COL4A3: variants seen among roughly 807,000 people sequenced by gnomAD.
COL4A3 encodes the protein collagen alpha-3(IV) chain.
Under a neutral mutation model 217.4 loss-of-function variants are expected in COL4A3, and 135 were observed. The ratio of observed to expected loss-of-function variants is 0.62; its 90% CI spans 0.54 to 0.72. The LOEUF (loss-of-function observed/expected upper bound fraction) is 0.72. Among genes scored for constraint, COL4A3 ranks in the 30% least tolerant of loss-of-function variants. The pLI, the probability that COL4A3 is intolerant of heterozygous loss-of-function variation, is 0.00. For synonymous variants in COL4A3, 690 were observed against 736.3 expected, an observed-to-expected ratio of 0.94 and a Z score of 1.02; for missense variants, 1,868 against 2,119.9, an observed-to-expected ratio of 0.88 and a Z score of 2.33.
intron 1 of COL4A3, among the ~76,000 whole-genome samples, chr2:227,208,221 C>CA (rs1207823974): frequency 1.3e-5 from 2 of 152,142 alleles, no homozygotes; most frequent in African/African-American, 4.8e-5. Flanking sequence ...AGCCCTTTCC[C>CA]AAAAAGACCC....
At chr2:227,285,769 A>G (rs1394365927) in intron 34 of COL4A3, among the ~76,000 whole-genome samples, 4 of 152,196 alleles carry the variant, frequency 2.6e-5, no homozygotes, top group African/African-American at 9.7e-5. Flanking sequence ...CTATTTCTAT[A>G]CTTCCAACAA....
intron 1 of COL4A3, among the ~76,000 whole-genome samples, chr2:227,212,246 G>T (rs12694721): frequency 0.076 from 11,572 of 151,520 alleles, 667 homozygotes; most frequent in Admixed American, 0.13. Context: ...TGTGACCTAT[G>T]ACATCTTCTG....
chr2:227,281,564 T>A (rs12053122), intron 31 of COL4A3: 2 of 155,098 alleles, frequency 1.3e-5, no homozygotes, highest in East Asian at 3.8e-4. Flanking sequence ...TGATGAACTG[T>A]TCCTGGAAAA....
At chr2:227,222,174 T>A (rs199794050) in intron 1 of COL4A3, among the ~76,000 whole-genome samples, 4,565 of 112,968 alleles carry the variant, frequency 0.04, 166 homozygotes, top group East Asian at 0.16. Context: ...ATGATAATGA[T>A]AATAAAAAGC....
intron 34 of COL4A3, among the ~76,000 whole-genome samples, chr2:227,286,718 T>C (rs144849358): frequency 2.5e-4 from 38 of 152,312 alleles, no homozygotes; most frequent in African/African-American, 7.0e-4. Flanking sequence ...GAAACCTCCA[T>C]AAAAGAGGAC....
intron 1 of COL4A3, among the ~76,000 whole-genome samples, chr2:227,217,866 A>T (rs1450038569): frequency 1.3e-5 from 2 of 151,986 alleles, no homozygotes; most frequent in Admixed American, 1.3e-4. Flanking sequence ...ACAGTTAAAC[A>T]TTATTCTGGA....
At position 227,272,885 on chromosome 2, in the gene COL4A3, G is replaced by A. The variant is rs1405215063; in HGVS notation, c.1759-64G>A. ...TAACTGGTATTCATATTTGGAGGATGATTAACCTGTTGTAAGAATATACTG... is the reference window on the plus strand; with the variant it reads ...TAACTGGTATTCATATTTGGAGGATAATTAACCTGTTGTAAGAATATACTG... On this transcript the variant is annotated intron_variant, in intron 25 of 51. Coordinates refer to ENST00000396578, the MANE Select transcript of COL4A3 (RefSeq NM_000091.5). The A allele has an allele frequency of 1.1e-5, 16 of 1,519,260 alleles. No individual in the cohort carries two copies. In the South Asian group the frequency reaches 1.6e-4, roughly 15 times the overall value. The allele number at this position is 1,519,260 out of a possible 1,614,324, so 94.1% of individuals were successfully genotyped here. A position where few individuals can be genotyped will look rare whatever the true frequency, so the allele number is the denominator to read the frequency against.
chr2:227,173,410 G>GT (rs1450127155), intron 1 of COL4A3, among the ~76,000 whole-genome samples: 1 of 152,172 alleles, frequency 6.6e-6, no homozygotes, highest in African/African-American at 2.4e-5. Flanking sequence ...CTCCCAAAAT[G>GT]TAAGTCCCTG....
chr2:227,177,188 A>G (rs905122216), intron 1 of COL4A3, among the ~76,000 whole-genome samples: 1 of 139,708 alleles, frequency 7.2e-6, no homozygotes, highest in African/African-American at 2.7e-5. Flanking sequence ...CTTGCTCTGT[A>G]ACCCAGGCTG....
chr2:227,168,587 T>C (rs1419606915), intron 1 of COL4A3, among the ~76,000 whole-genome samples: 1 of 152,210 alleles, frequency 6.6e-6, no homozygotes, highest in African/African-American at 2.4e-5. Flanking sequence ...CTTTGGTTTA[T>C]CTTTGAGTTA....
chr2:227,310,933 CAGAA>C lies in COL4A3; in HGVS notation c.4918_4921del (p.Arg1640CysfsTer10). 3 of 1,613,728 alleles carry C rather than the reference CAGAA, an allele frequency of 1.9e-6. No homozygotes were observed. The highest frequency in any genetic ancestry group is 2.5e-6 in the Non-Finnish European group (3 of 1,179,998). On this transcript the variant is annotated frameshift_variant, in exon 51 of 52. Coordinates refer to ENST00000396578, the MANE Select transcript of COL4A3 (RefSeq NM_000091.5). LOFTEE classifies it high-confidence loss of function. ...AGTTTCTGGCTGGCTTCATTAAACC[CAGAA>C]AGAATGTTCAGGTAACTATTCACCA...
intron 1 of COL4A3, among the ~76,000 whole-genome samples, chr2:227,202,172 T>C (rs1412440712): frequency 1.3e-5 from 2 of 152,208 alleles, no homozygotes; most frequent in African/African-American, 4.8e-5. Flanking sequence ...TGTTGTAACA[T>C]TGTAGGGTGT....
chr2:227,286,596 C>G (rs2072342364), intron 34 of COL4A3, among the ~76,000 whole-genome samples: 1 of 152,200 alleles, frequency 6.6e-6, no homozygotes, highest in Admixed American at 6.5e-5. Flanking sequence ...TGCCCAATGA[C>G]ACTCTGATAG....
At chr2:227,167,866 G>T (rs1041410884) in intron 1 of COL4A3, among the ~76,000 whole-genome samples, 1 of 152,168 alleles carries the variant, frequency 6.6e-6, no homozygotes, top group African/African-American at 2.4e-5. Context: ...ATCCCAAAAA[G>T]TTTATGTATG....
intron 43 of COL4A3, 40 bp downstream of exon 43, chr2:227,298,852 T>TATC: frequency 6.4e-7 from 1 of 1,563,110 alleles, no homozygotes; most frequent in Non-Finnish European, 8.8e-7. Flanking sequence ...ATTAATTCAA[T>TATC]ATCAACTTAT....
intron 20 of COL4A3, among the ~76,000 whole-genome samples, chr2:227,262,332 A>AAAC (rs2070635509): frequency 2.6e-5 from 4 of 152,166 alleles, no homozygotes; most frequent in African/African-American, 9.7e-5. Flanking sequence ...AACAAACAAA[A>AAAC]AAACAGGCTC....
At chr2:227,223,242 T>A (rs12999389) in intron 1 of COL4A3, among the ~76,000 whole-genome samples, 76,585 of 151,862 alleles carry the variant, frequency 0.5, 20,091 homozygotes, top group Non-Finnish European at 0.59. Context: ...GGGAAAAGTA[T>A]GGTTACTAAA....
At chr2:227,208,765 TACACAC>T (rs60244094) in intron 1 of COL4A3, among the ~76,000 whole-genome samples, 1,891 of 138,580 alleles carry the variant, frequency 0.014, 24 homozygotes, top group Middle Eastern at 0.036. Context: ...GGCGGTTGGT[TACACAC>T]ACACACACAC....
rs116360514 is a variant in COL4A3, at chr2:227,254,482, T to C, written c.829-174T>C. ...TATGACTTATCTTCAGCATCAGCTT[T>C]TTTAGCATCTGTTTTTTAATTACTA... is the stretch of plus-strand genomic sequence containing the variant. On this transcript the variant is annotated intron_variant, in intron 14 of 51. Coordinates refer to ENST00000396578, the MANE Select transcript of COL4A3 (RefSeq NM_000091.5). Among the ~76,000 whole-genome samples, 232 of 152,326 alleles carry C rather than the reference T, an allele frequency of 1.5e-3. 3 individuals carry two copies. The highest frequency in any genetic ancestry group is 5.1e-3 in the African/African-American group (214 of 41,582).
Sources: gnomAD v4.1 joint callset for allele counts (sites outside exome capture counted in the v4.1 genomes callset) on GRCh38, gnomAD v4.1.1 for gene constraint, MANE v1.5 for transcripts, NCBI Gene and HGNC (gene_info 2026-07-23, HGNC 2026-07-21) for gene names.